Variants in CREB5 observed in about 807,000 individuals in gnomAD.
CREB5 encodes the protein cyclic AMP-responsive element-binding protein 5.
In CREB5, 19 loss-of-function variants were observed where a neutral mutation model predicts 57.1. The observed-to-expected ratio is 0.33, with a 90% CI of 0.23 to 0.49. CREB5 has a LOEUF of 0.49. CREB5 is among the 20% of genes least tolerant of loss of function. The pLI, the probability that CREB5 is intolerant of heterozygous loss-of-function variation, is 0.99. For missense variants in CREB5, 579 were observed against 671.6 expected (o/e 0.86, Z 1.52); for synonymous variants, 238 against 238.3 (o/e 1.00, Z 0.01).
In CREB5 at chr7:28,762,725, GTT is replaced by G. The variant is rs59288466; in HGVS notation, c.702+38404_702+38405del. On this transcript the variant is annotated intron_variant, in intron 7 of 10. Transcript: ENST00000357727. ...TCCTAAACTTAAACTCTTGGCTATG[GTT>G]TTTTTTTTTTCTTTTTCTTTTTTTT... Among the ~76,000 whole-genome samples the G allele has an allele frequency of 1.7e-3, 250 of 146,214 alleles. 1 individual carries two copies. The highest frequency in any genetic ancestry group is 7.1e-3 in the Middle Eastern group (2 of 282).
At chr7:28,775,190 T>C (rs1284231127) in intron 7 of CREB5, among the ~76,000 whole-genome samples, 1 of 152,138 alleles carries the variant, frequency 6.6e-6, no homozygotes, top group Non-Finnish European at 1.5e-5. Flanking sequence ...TGACATATTT[T>C]ATTTTCGTAC....
chr7:28,772,789 G>A (rs2128777634), intron 7 of CREB5, among the ~76,000 whole-genome samples: 1 of 152,160 alleles, frequency 6.6e-6, no homozygotes, highest in East Asian at 1.9e-4. Flanking sequence ...GGATGCAGAA[G>A]CTCACCTTTC....
intron 7 of CREB5, among the ~76,000 whole-genome samples, chr7:28,755,124 T>G (rs1805222108): frequency 6.6e-6 from 1 of 152,188 alleles, no homozygotes; most frequent in South Asian, 2.1e-4. Context: ...TTATGGGGGT[T>G]ACATGGTCCC....
chr7:28,526,378 A>G (rs1386258319), intron 4 of CREB5, among the ~76,000 whole-genome samples: 5 of 152,356 alleles, frequency 3.3e-5, no homozygotes, highest in African/African-American at 9.6e-5. Flanking sequence ...AGAGCAATAT[A>G]ATAGAAGTCC....
chr7:28,510,839 G>C (rs1372692652), intron 4 of CREB5, among the ~76,000 whole-genome samples: 1 of 152,162 alleles, frequency 6.6e-6, no homozygotes, highest in Non-Finnish European at 1.5e-5. Flanking sequence ...TCTTTAATAA[G>C]AGAATTGTTT....
intron 5 of CREB5, among the ~76,000 whole-genome samples, chr7:28,677,357 C>T (rs1420843134): frequency 6.6e-6 from 1 of 152,144 alleles, no homozygotes; most frequent in Non-Finnish European, 1.5e-5. Flanking sequence ...CCTATATAAT[C>T]TCCAAGGTAA....
chr7:28,497,230 G>A (rs1444267179), intron 3 of CREB5, among the ~76,000 whole-genome samples: 1 of 152,196 alleles, frequency 6.6e-6, no homozygotes, highest in Non-Finnish European at 1.5e-5. Context: ...AGCCCCATCT[G>A]AAGGTCTGAA....
chr7:28,385,764 A>G (rs955646092), intron 1 of CREB5, among the ~76,000 whole-genome samples: 9 of 152,300 alleles, frequency 5.9e-5, no homozygotes, highest in African/African-American at 2.2e-4. Context: ...ATAAAAATAT[A>G]AATTATTACT....
upstream of CREB5, among the ~76,000 whole-genome samples, chr7:28,409,167 C>A (rs1189449061): frequency 1.3e-5 from 2 of 151,546 alleles, no homozygotes; most frequent in Non-Finnish European, 2.9e-5. The surrounding 1 kb of genome is among the most constrained non-coding windows in gnomAD (Gnocchi z 4.4). Context: ...CGCTCCCGGG[C>A]GGGTGCACCA....
intron 7 of CREB5, among the ~76,000 whole-genome samples, chr7:28,768,540 G>C (rs964231424): frequency 8.5e-5 from 13 of 152,220 alleles, no homozygotes; most frequent in African/African-American, 3.1e-4. Context: ...TTACCTTGAG[G>C]TGGAAGAAGT....
intron 5 of CREB5, among the ~76,000 whole-genome samples, chr7:28,604,921 C>G (rs563925607): frequency 2.6e-4 from 39 of 152,158 alleles, no homozygotes; most frequent in Middle Eastern, 3.4e-3. Flanking sequence ...CCCCAGGGAC[C>G]TGGGAGAATT....
At chr7:28,435,503 G>C in intron 1 of CREB5, 1 of 335,806 alleles carries the variant, frequency 3.0e-6, no homozygotes, top group Non-Finnish European at 4.2e-6. Flanking sequence ...CTGCTGGGCC[G>C]GCCTTAATAT....
chr7:28,325,147 T>C (rs1245038434), intron 1 of CREB5, among the ~76,000 whole-genome samples: 1 of 152,206 alleles, frequency 6.6e-6, no homozygotes, highest in Admixed American at 6.5e-5. Flanking sequence ...ACACAGCAAC[T>C]GGAGAGATGT....
chr7:28,309,267 G>T (rs76864046), intron 1 of CREB5, among the ~76,000 whole-genome samples: 2,860 of 152,208 alleles, frequency 0.019, 82 homozygotes, highest in African/African-American at 0.065. Flanking sequence ...CTTCTGGAGA[G>T]CCCTGACTAA....
chr7:28,323,011 T>G (rs1785519653), intron 1 of CREB5, among the ~76,000 whole-genome samples: 1 of 152,242 alleles, frequency 6.6e-6, no homozygotes, highest in Non-Finnish European at 1.5e-5. Context: ...GTAATTCTTC[T>G]GCCTTGTTGA....
chr7:28,733,456 G>A (rs1436534260), intron 7 of CREB5, among the ~76,000 whole-genome samples: 3 of 152,150 alleles, frequency 2.0e-5, no homozygotes, highest in African/African-American at 7.2e-5. Context: ...ATTTTCCTGA[G>A]GGCTTCTTGC....
intron 1 of CREB5, among the ~76,000 whole-genome samples, chr7:28,323,964 C>T (rs1185172469): frequency 6.6e-6 from 1 of 152,110 alleles, no homozygotes; most frequent in African/African-American, 2.4e-5. Flanking sequence ...ATGCAGTTCA[C>T]AACAGGGTTC....
intron 5 of CREB5, among the ~76,000 whole-genome samples, chr7:28,571,346 T>TCC (rs768782033): frequency 2.6e-5 from 4 of 152,176 alleles, no homozygotes; most frequent in Non-Finnish European, 5.9e-5. Context: ...GCCCTCTGCT[T>TCC]ATTCTTCCCT....
chr7:28,531,082 A>G (rs1367578489), intron 4 of CREB5, among the ~76,000 whole-genome samples: 2 of 152,096 alleles, frequency 1.3e-5, no homozygotes, highest in Admixed American at 6.6e-5. Flanking sequence ...GAAGAGGCAC[A>G]ATATAATGTT....
Sources: allele counts gnomAD v4.1 joint callset (sites outside exome capture counted in the v4.1 genomes callset), GRCh38; gene constraint gnomAD v4.1.1; non-coding constraint Gnocchi (gnomAD v3.1); transcripts MANE v1.5; gene names NCBI Gene and HGNC (gene_info 2026-07-23, HGNC 2026-07-21).